TAX1BP1: variants seen among roughly 807,000 people sequenced by gnomAD.
TAX1BP1 encodes Tax1 binding protein 1.
In TAX1BP1, 62 loss-of-function variants were observed where a neutral mutation model predicts 97.7. The ratio of observed to expected loss-of-function variants is 0.63; its 90% confidence interval spans 0.52 to 0.78. The LOEUF (loss-of-function observed/expected upper bound fraction) is 0.78, where lower values mean the gene tolerates loss of function less well. Ranked by LOEUF, TAX1BP1 falls within the 30% of genes least tolerant of loss-of-function variation. The pLI, the probability that TAX1BP1 is intolerant of heterozygous loss-of-function variation, is 0.00. For synonymous variants in TAX1BP1, 340 were observed against 304.2 expected, an observed-to-expected ratio of 1.12 and a Z score of -1.23; for missense variants, 867 against 916.1, an observed-to-expected ratio of 0.95 and a Z score of 0.69.
chr7:27,794,538 A>G, intron 11 of TAX1BP1, 92 bp downstream of exon 11: 6 of 1,368,632 alleles, frequency 4.4e-6, no homozygotes, highest in Non-Finnish European at 5.8e-6. Flanking sequence ...CAGGATGTTC[A>G]TAAAAATTTT....
intron 12 of TAX1BP1, among the ~76,000 whole-genome samples, chr7:27,797,402 CATTT>C (rs1428878639): frequency 2.0e-5 from 3 of 152,038 alleles, no homozygotes; most frequent in Non-Finnish European, 2.9e-5. Context: ...AAATGCTTCT[CATTT>C]ATATCAATTT....
intron 1 of TAX1BP1, among the ~76,000 whole-genome samples, chr7:27,744,494 A>G (rs1426652359): frequency 6.6e-6 from 1 of 152,226 alleles, no homozygotes; most frequent in African/African-American, 2.4e-5. Context: ...ATCACACATA[A>G]CAAAATTACC....
chr7:27,742,708 C>T (rs952783245), intron 1 of TAX1BP1, among the ~76,000 whole-genome samples: 2 of 152,026 alleles, frequency 1.3e-5, no homozygotes, highest in Admixed American at 6.5e-5. Context: ...CCTCTTGATC[C>T]GCCTGCCTCG....
At chr7:27,820,425 G>C (rs529115674) in intron 15 of TAX1BP1, among the ~76,000 whole-genome samples, 1 of 152,308 alleles carries the variant, frequency 6.6e-6, no homozygotes, top group East Asian at 1.9e-4. Context: ...GTGCTTGAGA[G>C]AGTTGAGGGC....
chr7:27,739,743 T>C (rs1393083001), upstream of TAX1BP1: 1 of 152,192 alleles, frequency 6.6e-6, no homozygotes, highest in Non-Finnish European at 1.5e-5. Context: ...AGCCGTGTGG[T>C]CACTCCCTTG....
chr7:27,797,143 G>A (rs911308973), intron 12 of TAX1BP1, among the ~76,000 whole-genome samples: 17 of 151,526 alleles, frequency 1.1e-4, no homozygotes, highest in East Asian at 2.0e-4. Flanking sequence ...GACTACAGGC[G>A]CCTGCCACCA....
chr7:27,789,998 TA>T (rs1428652531), intron 8 of TAX1BP1, among the ~76,000 whole-genome samples: 2 of 151,968 alleles, frequency 1.3e-5, no homozygotes. Context: ...CTAAAGCTTT[TA>T]AAAGATTGTG....
In TAX1BP1 at chr7:27,769,840, T is replaced by C. The variant is rs1554314502; in HGVS notation, c.612+6T>C. 2 of 1,611,242 alleles carry C rather than the reference T, an allele frequency of 1.2e-6. No homozygotes were observed. The highest frequency in any genetic ancestry group is 2.7e-5 in the African/African-American group (2 of 74,844). On this transcript the variant is annotated splice_donor_region_variant and intron_variant, in intron 5 of 16. Coordinates refer to ENST00000396319, the MANE Select transcript of TAX1BP1 (RefSeq NM_006024.7). ...AACTGCAAGCAGAACAAAAGGTTAG[T>C]TGTGTCTTATGTAACTGATTGAAGT...
In TAX1BP1 at chr7:27,827,837, C is replaced by T; in HGVS notation, c.2168+17C>T. 12 of 1,610,196 alleles carry T rather than the reference C, an allele frequency of 7.5e-6. No individual in the cohort carries two copies. The highest frequency in any genetic ancestry group is 1.0e-5 in the Non-Finnish European group (12 of 1,177,768). On this transcript the variant is annotated intron_variant, in intron 16 of 16. Coordinates refer to ENST00000396319, the MANE Select transcript of TAX1BP1 (RefSeq NM_006024.7). The stretch of plus-strand genomic sequence containing the variant: ...TGATTCCAGGTAGTTTTCTTCTTTA[C>T]TTTGTAGAATTTGGGTTATATCGGC...
Position 27,828,873 on chromosome 7 carries a change from A to AC in TAX1BP1, c.*44_*45insC, listed in dbSNP as rs1782587147. On this transcript the variant is annotated 3_prime_UTR_variant, in exon 17 of 17. Coordinates refer to ENST00000396319, the MANE Select transcript of TAX1BP1 (RefSeq NM_006024.7). ...TAATATAGTTTAGCAGTAAAAAAAAAAAAAAAAACCACACCTAAAATAGAC... is the reference window on the plus strand; with the variant it reads ...TAATATAGTTTAGCAGTAAAAAAAAACAAAAAAAACCACACCTAAAATAGAC... 3.3e-6 allele frequency: 5 copies of AC among 1,505,726 alleles called. No individual in the cohort carries two copies. Among genetic ancestry groups the AC allele is most frequent in the Non-Finnish European group, 4.5e-6 (5 of 1,113,702 alleles). 93.3% of individuals were successfully genotyped at this position (1,505,726 alleles called of 1,614,324 possible). A position where few individuals can be genotyped will look rare whatever the true frequency, so the allele number is the denominator to read the frequency against.
At chr7:27,812,208 T>A (rs1790584126) in intron 13 of TAX1BP1, among the ~76,000 whole-genome samples, 3 of 152,320 alleles carry the variant, frequency 2.0e-5, no homozygotes, top group Admixed American at 1.3e-4. Context: ...TGTATTAGTG[T>A]TATCTCATTG....
intron 12 of TAX1BP1, among the ~76,000 whole-genome samples, chr7:27,799,452 C>T (rs1790052136): frequency 6.6e-6 from 1 of 152,102 alleles, no homozygotes; most frequent in African/African-American, 2.4e-5. Context: ...ATGGAAACAA[C>T]AGCATTATAA....
intron 5 of TAX1BP1, among the ~76,000 whole-genome samples, chr7:27,784,799 G>A (rs1318186602): frequency 6.6e-6 from 1 of 151,732 alleles, no homozygotes; most frequent in Non-Finnish European, 1.5e-5. Flanking sequence ...CAGCCTGGGT[G>A]ACATGGCAAA....
At chr7:27,750,945 A>G (rs775414759) in intron 2 of TAX1BP1, among the ~76,000 whole-genome samples, 2 of 152,154 alleles carry the variant, frequency 1.3e-5, no homozygotes, top group African/African-American at 4.8e-5. Flanking sequence ...TAACTGCTCT[A>G]TATAAGCTGT....
At chr7:27,752,067 GCTTAAT>G (rs111486649) in intron 2 of TAX1BP1, among the ~76,000 whole-genome samples, 4 of 152,234 alleles carry the variant, frequency 2.6e-5, no homozygotes, top group African/African-American at 9.6e-5. Flanking sequence ...TAGAAGTGAA[GCTTAAT>G]CTTATAGTGC....
chr7:27,825,261 G>A (rs566361812), intron 15 of TAX1BP1, among the ~76,000 whole-genome samples: 3 of 148,756 alleles, frequency 2.0e-5, no homozygotes, highest in South Asian at 2.1e-4. Context: ...ACTGTCAGTC[G>A]GCCTGCTTTA....
chr7:27,756,897 G>T (rs541214317), intron 2 of TAX1BP1, among the ~76,000 whole-genome samples: 1 of 152,162 alleles, frequency 6.6e-6, no homozygotes, highest in South Asian at 2.1e-4. Flanking sequence ...TGTAAGATTT[G>T]TCCCAGCATG....
intron 5 of TAX1BP1, among the ~76,000 whole-genome samples, chr7:27,782,304 T>A (rs527486671): frequency 5.3e-5 from 8 of 152,290 alleles, no homozygotes; most frequent in African/African-American, 1.9e-4. Flanking sequence ...TGGCATAATC[T>A]AGGCTCATTG....
Position 27,826,413 on chromosome 7 carries a change from G to A in TAX1BP1, c.2086-1325G>A, listed in dbSNP as rs371454229. ...CTCATTTTGTCTTTTGTTTGTTCAC[G>A]TTGCACTTCACACCATATATACTTT... On this transcript the variant is annotated intron_variant, in intron 15 of 16. Transcript: ENST00000396319. Among the ~76,000 whole-genome samples the A allele has an allele frequency of 5.3e-5, 8 of 152,048 alleles. 1 individual carries two copies. The highest frequency in any genetic ancestry group is 5.2e-4 in the Admixed American group (8 of 15,266).
Sources: allele counts gnomAD v4.1 joint callset (sites outside exome capture counted in the v4.1 genomes callset), GRCh38; gene constraint gnomAD v4.1.1; transcripts MANE v1.5; gene names NCBI Gene and HGNC (gene_info 2026-07-23, HGNC 2026-07-21).